The following POM121C variants were observed in gnomAD, a reference collection of about 807,000 sequenced individuals.
The protein encoded by POM121C is POM121 transmembrane nucleoporin C.
In POM121C, 20 loss-of-function variants were observed where a neutral mutation model predicts 66.4. The ratio of observed to expected loss-of-function variants is 0.30; its 90% CI spans 0.21 to 0.44. The LOEUF is 0.44. POM121C is among the 20% of genes least tolerant of loss of function. The probability of loss-of-function intolerance (pLI) is 1.00; values close to 1 mark genes in which losing one functional copy is unlikely to be tolerated. For missense variants in POM121C, 580 were observed against 1,225.7 expected (o/e 0.47, Z 7.87); for synonymous variants, 286 against 528.0 (o/e 0.54, Z 6.28).
intron 7 of POM121C, among the ~76,000 whole-genome samples, chr7:75,436,515 G>T (rs1554473047): frequency 2.0e-5 from 3 of 152,116 alleles, no homozygotes; most frequent in African/African-American, 7.2e-5. Flanking sequence ...ATGGTATTAT[G>T]GTTATTAATG....
intron 1 of POM121C, among the ~76,000 whole-genome samples, chr7:75,479,736 C>G (rs1792239652): frequency 6.6e-6 from 1 of 151,618 alleles, no homozygotes; most frequent in Admixed American, 6.6e-5. Flanking sequence ...GTGTAAAGAC[C>G]AAGAGGAGAG....
intron 1 of POM121C, among the ~76,000 whole-genome samples, chr7:75,478,258 C>T (rs781795191): frequency 8.5e-5 from 13 of 152,188 alleles, no homozygotes; most frequent in African/African-American, 1.9e-4. Flanking sequence ...TGAGCCACCA[C>T]GCCTGGGCTG....
chr7:75,474,211 T>G (rs1314355482), intron 3 of POM121C, among the ~76,000 whole-genome samples: 1 of 151,934 alleles, frequency 6.6e-6, no homozygotes, highest in Non-Finnish European at 1.5e-5. Flanking sequence ...ATGGCCAACA[T>G]GGTGAAACCC....
chr7:75,482,739 C>A (rs1792358109), intron 1 of POM121C, among the ~76,000 whole-genome samples: 1 of 151,896 alleles, frequency 6.6e-6, no homozygotes, highest in Non-Finnish European at 1.5e-5. Context: ...CATTTAAAGA[C>A]AAACAAATAC....
chr7:75,472,751 A>C (rs1317613617), intron 3 of POM121C, among the ~76,000 whole-genome samples: 2 of 151,258 alleles, frequency 1.3e-5, no homozygotes, highest in Non-Finnish European at 2.9e-5. Context: ...GGCTGCAGTG[A>C]GCCGAGATCA....
intron 1 of POM121C, among the ~76,000 whole-genome samples, chr7:75,485,302 A>G (rs62477712): frequency 0.013 from 1,999 of 152,240 alleles, 20 homozygotes; most frequent in Non-Finnish European, 0.021. Context: ...ATAATCTTCT[A>G]TTAAGAAAAC....
At chr7:75,429,147 T>C (rs1434224011) in intron 7 of POM121C, among the ~76,000 whole-genome samples, 1 of 152,186 alleles carries the variant, frequency 6.6e-6, no homozygotes, top group Admixed American at 6.6e-5. Flanking sequence ...CCTAGCCAAG[T>C]GCAGTAAGAC....
chr7:75,452,074 G>A (rs1791040668), intron 3 of POM121C, among the ~76,000 whole-genome samples: 2 of 152,148 alleles, frequency 1.3e-5, no homozygotes, highest in South Asian at 4.1e-4. Context: ...TGAGGCAGGA[G>A]AATCTCTTGA....
rs587740299 is a variant in POM121C at position 75,454,793 on chromosome 7, T to C, written c.-151-13146A>G. ...ATGGATAAAGAGATGGCACACGGCA[T>C]GTCCCGACGCAGTGGAGGTGGGGAG... is the stretch of plus-strand genomic sequence containing the variant. On this transcript the variant is annotated intron_variant, in intron 3 of 14. Coordinates refer to ENST00000615331, the MANE Select transcript of POM121C (RefSeq NM_001099415.3). 2.0e-5 allele frequency among the ~76,000 whole-genome samples: 3 copies of C among 152,380 alleles called. No homozygotes were observed. In the East Asian group the frequency reaches 5.8e-4, roughly 29 times the overall value.
In POM121C at chr7:75,425,699, C is replaced by T. The variant is rs1789916644; in HGVS notation, c.582G>A (p.Glu194=). ...ERPAKKIREE[E]LCHHSSSSTP... The stretch of plus-strand genomic sequence containing the variant: ...TTGAAGAACTGGAATGATGACACAG[C>T]TCTTCTTCTCTGTTGGGAAAAAAGG... Residue 194 remains glutamate (E), a synonymous_variant, in exon 9 of 15, where the codon GAG becomes GAA. Transcript: ENST00000615331. 2 of 1,612,622 alleles carry T rather than the reference C, an allele frequency of 1.2e-6. No individual in the cohort carries two copies. The highest frequency in any genetic ancestry group is 2.7e-5 in the African/African-American group (2 of 75,030).
chr7:75,423,937 G>A, intron 12 of POM121C, 112 bp downstream of exon 12: 2 of 1,510,782 alleles, frequency 1.3e-6, no homozygotes, highest in Non-Finnish European at 1.8e-6. Context: ...GAGCCAGGGT[G>A]CGTTCGGCCT....
intron 3 of POM121C, among the ~76,000 whole-genome samples, chr7:75,443,238 T>C (rs1274954764): frequency 6.6e-6 from 1 of 152,186 alleles, no homozygotes; most frequent in Non-Finnish European, 1.5e-5. Context: ...TTTATACCTA[T>C]GCTAAAGTTA....
chr7:75,469,548 G>A (rs1791795055), intron 3 of POM121C, among the ~76,000 whole-genome samples: 1 of 152,302 alleles, frequency 6.6e-6, no homozygotes, highest in African/African-American at 2.4e-5. Context: ...GTTCTCAACA[G>A]AGAGGCCAGA....
rs1330571413 is a variant in POM121C, at chr7:75,418,480, G to C, written c.*316C>G. The C allele has an allele frequency of 1.5e-5, 17 of 1,104,610 alleles. No individual in the cohort carries two copies. In the African/African-American group the frequency reaches 2.8e-4, roughly 18 times the overall value. The allele number at this position is 1,104,610 out of a possible 1,614,324, so 68.4% of individuals were successfully genotyped here. ...TCGGGGAAAGGTGGAAGGGGCGCCT[G>C]CCTAAGGGTGCGCTAAGCGGGAGTC... On this transcript the variant is annotated 3_prime_UTR_variant, in exon 15 of 15. Coordinates refer to ENST00000615331, the MANE Select transcript of POM121C (RefSeq NM_001099415.3).
chr7:75,479,071 A>T (rs1792204261), intron 1 of POM121C, among the ~76,000 whole-genome samples: 1 of 151,980 alleles, frequency 6.6e-6, no homozygotes, highest in Middle Eastern at 3.2e-3. Flanking sequence ...AAAAAATGTA[A>T]GCAGGAAGAC....
At chr7:75,440,867 G>C in intron 5 of POM121C, 87 bp downstream of exon 5, 1 of 1,607,424 alleles carries the variant, frequency 6.2e-7, no homozygotes, top group Non-Finnish European at 8.5e-7. Flanking sequence ...ACTGGACGTG[G>C]CCTCTGTATC....
intron 1 of POM121C, among the ~76,000 whole-genome samples, chr7:75,475,408 C>G (rs140314023): frequency 0.068 from 10,309 of 152,226 alleles, 443 homozygotes; most frequent in South Asian, 0.098. Flanking sequence ...TATTTTGCAA[C>G]TGAACTGAGT....
chr7:75,473,699 T>G (rs1186991724), intron 3 of POM121C, among the ~76,000 whole-genome samples: 1 of 151,460 alleles, frequency 6.6e-6, no homozygotes, highest in African/African-American at 2.4e-5. Flanking sequence ...TGTTTTTTTG[T>G]TTTTTTTGAG....
chr7:75,472,748 G>T (rs2116519920), intron 3 of POM121C, among the ~76,000 whole-genome samples: 1 of 152,056 alleles, frequency 6.6e-6, no homozygotes, highest in East Asian at 1.9e-4. Flanking sequence ...AGAGGCTGCA[G>T]TGAGCCGAGA....
Sources: allele counts gnomAD v4.1 joint callset (sites outside exome capture counted in the v4.1 genomes callset), GRCh38; gene constraint gnomAD v4.1.1; transcripts MANE v1.5; gene names NCBI Gene and HGNC (gene_info 2026-07-23, HGNC 2026-07-21).